Variants in UNC79 observed in about 807,000 individuals in gnomAD.
The protein encoded by UNC79 is unc-79 subunit of NALCN channel complex, also known as protein unc-79 homolog.
UNC79 carries 37 observed loss-of-function variants against 283.1 expected under a neutral mutation model. That is an observed-to-expected ratio of 0.13 (90% CI 0.10 to 0.17). The LOEUF is 0.17. Ranked by LOEUF, UNC79 falls within the 10% of genes least tolerant of loss-of-function variation. The probability of loss-of-function intolerance (pLI) is 1.00; values close to 1 mark genes in which losing one functional copy is unlikely to be tolerated. For missense variants in UNC79, 2,272 were observed against 3,211.1 expected (o/e 0.71, Z 7.07); for synonymous variants, 1,107 against 1,200.2 (o/e 0.92, Z 1.61).
intron 12 of UNC79, among the ~76,000 whole-genome samples, chr14:93,538,967 A>G (rs2061233984): frequency 2.0e-5 from 3 of 151,630 alleles, no homozygotes; most frequent in Non-Finnish European, 4.4e-5. Flanking sequence ...CAGTGGTACA[A>G]TCTCGGCTCA....
intron 1 of UNC79, among the ~76,000 whole-genome samples, chr14:93,340,629 G>A (rs868420583): frequency 2.7e-5 from 4 of 149,696 alleles, no homozygotes; most frequent in Non-Finnish European, 5.9e-5. Context: ...GGTGTGCAGT[G>A]ACATGATTAT....
intron 1 of UNC79, among the ~76,000 whole-genome samples, chr14:93,339,974 C>G (rs1220935214): frequency 2.0e-5 from 3 of 152,156 alleles, no homozygotes; most frequent in Non-Finnish European, 4.4e-5. Context: ...TTTGGTTACT[C>G]TATTAGCTCA....
At chr14:93,477,482 AG>A in intron 3 of UNC79, 75 bp from the exon 4 acceptor site, 1 of 1,262,934 alleles carries the variant, frequency 7.9e-7, no homozygotes, top group Non-Finnish European at 1.1e-6. Context: ...AGTTCATTAA[AG>A]CTTAAAATGT....
exon 24 of UNC79, chr14:93,597,522 A>G: frequency 6.2e-7 from 1 of 1,612,858 alleles, no homozygotes; most frequent in Non-Finnish European, 8.5e-7. Context: ...TTGACACCAT[A>G]AAGAGGCCAG....
At chr14:93,564,497 T>C (rs933716822) in intron 14 of UNC79, among the ~76,000 whole-genome samples, 25 of 152,224 alleles carry the variant, frequency 1.6e-4, no homozygotes, top group African/African-American at 5.3e-4. Flanking sequence ...CTTTGGAGAA[T>C]AAACGTTGAA....
intron 1 of UNC79, among the ~76,000 whole-genome samples, chr14:93,358,192 G>A (rs575783183): frequency 2.6e-5 from 4 of 152,082 alleles, no homozygotes; most frequent in Admixed American, 2.0e-4. Flanking sequence ...TCCTTGGCAT[G>A]AACTGTTTAG....
Position 93,537,714 on chromosome 14 carries a change from C to G in UNC79, c.1123-275C>G, listed in dbSNP as rs77478284. Among the ~76,000 whole-genome samples the G allele has an allele frequency of 9.2e-3, 1,408 of 152,332 alleles. 38 individuals are homozygous for G. The highest frequency in any genetic ancestry group is 0.09 in the East Asian group (465 of 5,180). ...AAAGTGTCCTCCTCCTCGCTCCCCCCATGGCTGAGGTAACTTTACACAGGG... is the reference window on the plus strand; with the variant it reads ...AAAGTGTCCTCCTCCTCGCTCCCCCGATGGCTGAGGTAACTTTACACAGGG... On this transcript the variant is annotated intron_variant, in intron 11 of 48. Transcript: ENST00000555664.
At chr14:93,545,735 G>A (rs767285686) in intron 14 of UNC79, among the ~76,000 whole-genome samples, 1 of 152,134 alleles carries the variant, frequency 6.6e-6, no homozygotes, top group African/African-American at 2.4e-5. Context: ...CTGCCTGATG[G>A]GTTCTTCCTG....
intron 30 of UNC79, among the ~76,000 whole-genome samples, chr14:93,626,620 CCCAAATTCTATTAAAGTTGTCTCTT>C (rs1346072637): frequency 1.3e-5 from 2 of 152,150 alleles, no homozygotes; most frequent in Non-Finnish European, 2.9e-5. Flanking sequence ...AGTTGTCTCT[CCCAAATTCTATTAAAGTTGTCTCTT>C]CCAAACTCTA....
intron 26 of UNC79, among the ~76,000 whole-genome samples, chr14:93,604,228 AG>A (rs1442611265): frequency 6.6e-6 from 1 of 152,216 alleles, no homozygotes; most frequent in African/African-American, 2.4e-5. Context: ...ATCACTGTGA[AG>A]TAAATAAAAT....
intron 7 of UNC79, among the ~76,000 whole-genome samples, chr14:93,506,282 G>A (rs1377805152): frequency 6.6e-6 from 1 of 151,532 alleles, no homozygotes; most frequent in Non-Finnish European, 1.5e-5. Context: ...GAGTGCAATG[G>A]CACGATCTCA....
downstream of UNC79, chr14:93,706,950 T>G: frequency 6.2e-7 from 1 of 1,604,522 alleles, no homozygotes; most frequent in African/African-American, 1.3e-5. Flanking sequence ...TTAGCAATAA[T>G]GGGTTTAAAA....
chr14:93,510,830 C>T (rs886122062), intron 7 of UNC79, among the ~76,000 whole-genome samples: 9 of 152,164 alleles, frequency 5.9e-5, no homozygotes, highest in Non-Finnish European at 1.0e-4. Flanking sequence ...AACCTTTGCC[C>T]GTTACCCAGT....
At chr14:93,517,325 C>CTTT (rs3060641) in intron 7 of UNC79, among the ~76,000 whole-genome samples, 2 of 116,030 alleles carry the variant, frequency 1.7e-5, no homozygotes, top group African/African-American at 6.4e-5. Flanking sequence ...CTATCCTTCT[C>CTTT]TTTTTTTTTT....
intron 14 of UNC79, among the ~76,000 whole-genome samples, chr14:93,552,527 T>A (rs2061952208): frequency 6.6e-6 from 1 of 152,316 alleles, no homozygotes; most frequent in South Asian, 2.1e-4. Context: ...AAACAACAGA[T>A]AAGACTAGAA....
intron 1 of UNC79, among the ~76,000 whole-genome samples, chr14:93,406,290 A>G (rs2055224000): frequency 6.6e-6 from 1 of 152,184 alleles, no homozygotes; most frequent in Non-Finnish European, 1.5e-5. Context: ...TCTTTAGAAA[A>G]TCTATTAATG....
chr14:93,552,743 A>T (rs1351513261), intron 14 of UNC79, among the ~76,000 whole-genome samples: 1 of 151,946 alleles, frequency 6.6e-6, no homozygotes, highest in Non-Finnish European at 1.5e-5. Flanking sequence ...TTTTGTAAGG[A>T]TTCTCAGATT....
chr14:93,334,347 C>CT (rs2053527816), intron 1 of UNC79, among the ~76,000 whole-genome samples: 1 of 152,176 alleles, frequency 6.6e-6, no homozygotes, highest in African/African-American at 2.4e-5. Flanking sequence ...TTACCCAATC[C>CT]TTGAAGGTTT....
At chr14:93,502,406 A>G (rs981947516) in intron 7 of UNC79, among the ~76,000 whole-genome samples, 1 of 150,896 alleles carries the variant, frequency 6.6e-6, no homozygotes, top group Non-Finnish European at 1.5e-5. Context: ...GAGCAAGACA[A>G]TGTCTCAAAA....
Sources: allele counts gnomAD v4.1 joint callset (sites outside exome capture counted in the v4.1 genomes callset), GRCh38; gene constraint gnomAD v4.1.1; transcripts MANE v1.5; gene names NCBI Gene and HGNC (gene_info 2026-07-23, HGNC 2026-07-21).